NF1: variants seen among roughly 807,000 people sequenced by gnomAD.
The protein encoded by NF1 is neurofibromin.
NF1 carries 122 observed loss-of-function variants against 325.7 expected under a neutral mutation model. The observed-to-expected ratio is 0.37, with a 90% confidence interval of 0.32 to 0.44. The LOEUF (loss-of-function observed/expected upper bound fraction) is 0.44. Ranked by LOEUF, NF1 falls within the 20% of genes least tolerant of loss-of-function variation. NF1 has a pLI of 1.00. For synonymous variants in NF1, 1,091 were observed against 1,186.0 expected (o/e 0.92, Z 1.65); for missense variants, 2,140 against 3,415.4 (o/e 0.63, Z 9.31).
chr17:31,316,411 G>T (rs1267573770), intron 36 of NF1, among the ~76,000 whole-genome samples: 26 of 152,196 alleles, frequency 1.7e-4, no homozygotes, highest in Admixed American at 1.4e-3. Flanking sequence ...ATAGTGAGTG[G>T]TGAATTTTAA....
intron 36 of NF1, chr17:31,305,335 G>C (rs1181763291): frequency 6.2e-7 from 1 of 1,614,010 alleles, no homozygotes; most frequent in South Asian, 1.1e-5. Flanking sequence ...ATGTGCTTCT[G>C]GTTTTTCAGA....
At chr17:31,295,531 A>G (rs567550496) in intron 36 of NF1, 1 of 1,614,128 alleles carries the variant, frequency 6.2e-7, no homozygotes, top group Non-Finnish European at 8.5e-7. Context: ...AAGGTGTGGG[A>G]TACATGTTAT....
At chr17:31,139,590 A>G (rs1326175052) in intron 1 of NF1, among the ~76,000 whole-genome samples, 1 of 152,338 alleles carries the variant, frequency 6.6e-6, no homozygotes, top group East Asian at 1.9e-4. Flanking sequence ...TGCATGGGCT[A>G]GGGTAAGTTG....
chr17:31,229,022 T>G lies in NF1; in HGVS notation c.2410-3T>G, dbSNP rs1450743199. ...ATGCTTTGCACAAAAATTTTGTGTT[T>G]AGGCTGCTGAAAGCCTTCACAAGAC... On this transcript the variant is annotated splice_region_variant and splice_polypyrimidine_tract_variant and intron_variant, in intron 20 of 57. Coordinates refer to ENST00000358273, the MANE Select transcript of NF1 (RefSeq NM_001042492.3). 6.3e-7 allele frequency: 1 copy of G among 1,597,120 alleles called. No homozygotes were observed. Among genetic ancestry groups the G allele is most frequent in the Non-Finnish European group, 8.6e-7 (1 of 1,168,238 alleles).
chr17:31,108,676 T>TATTATTTTAAAGCA (rs1223795404), intron 1 of NF1, among the ~76,000 whole-genome samples: 1 of 152,216 alleles, frequency 6.6e-6, no homozygotes, highest in Non-Finnish European at 1.5e-5. Context: ...ACTACCTCTT[T>TATTATTTTAAAGCA]ATTATTTTAA....
rs2067199220 is a variant in NF1, at chr17:31,236,083, TACTA to T, written c.3974+65_3974+68del. Reference sequence around the variant, plus strand: ...TTTTTTTTTTTTTGTTTGTTTGTTTTACTAACACTGCATGAAGCAAGGCACCTTC... The same window carrying T: ...TTTTTTTTTTTTTGTTTGTTTGTTTTACACTGCATGAAGCAAGGCACCTTC... On this transcript the variant is annotated intron_variant, in intron 29 of 57. Transcript: ENST00000358273. 5.6e-6 allele frequency: 7 copies of T among 1,256,712 alleles called. No homozygotes were observed. In the Admixed American group the frequency reaches 8.6e-5, roughly 15 times the overall value. The allele number at this position is 1,256,712 out of a possible 1,614,324, so 77.8% of individuals were successfully genotyped here. A position where few individuals can be genotyped will look rare whatever the true frequency, so the allele number is the denominator to read the frequency against.
At chr17:31,133,234 A>G (rs11650379) in intron 1 of NF1, 1,723 of 152,308 alleles carry the variant, frequency 0.011, 23 homozygotes, top group Non-Finnish European at 0.016. Flanking sequence ...AAGTGGCGTC[A>G]TACAGTATTT....
intron 11 of NF1, among the ~76,000 whole-genome samples, chr17:31,204,984 A>C (rs903329321): frequency 1.3e-5 from 2 of 152,272 alleles, no homozygotes; most frequent in African/African-American, 4.8e-5. Context: ...ATAAAGTAGG[A>C]GTTGAGGGAA....
intron 36 of NF1, among the ~76,000 whole-genome samples, chr17:31,307,559 T>C (rs1275932571): frequency 1.3e-5 from 2 of 152,048 alleles, no homozygotes; most frequent in Non-Finnish European, 2.9e-5. Context: ...ACTTGGAGAG[T>C]TAAGTTTCAG....
chr17:31,233,626 T>C (rs1294184557), intron 27 of NF1, among the ~76,000 whole-genome samples: 1 of 152,228 alleles, frequency 6.6e-6, no homozygotes, highest in African/African-American at 2.4e-5. Context: ...AGCACTATAT[T>C]TGCATTTGAT....
chr17:31,349,335 T>C, intron 49 of NF1, 84 bp downstream of exon 49: 2 of 1,448,392 alleles, frequency 1.4e-6, no homozygotes, highest in Non-Finnish European at 1.9e-6. Flanking sequence ...TATAGGTTTT[T>C]TGGCGGTTGC....
At chr17:31,291,500 G>A (rs2068342442) in intron 36 of NF1, among the ~76,000 whole-genome samples, 1 of 152,076 alleles carries the variant, frequency 6.6e-6, no homozygotes, top group Non-Finnish European at 1.5e-5. Flanking sequence ...GCAATAGTGG[G>A]CATCCTTGTT....
rs2151544593 is a variant in NF1, at chr17:31,330,365, A to G, written c.5679A>G (p.Leu1893=). Residue 1893 remains leucine (L), a synonymous_variant, in exon 39 of 58, where the codon CTA becomes CTG. Transcript: ENST00000358273. ...TFNLKIEGQL[L]ETSGLCIPAN... Reference sequence around the variant, plus strand: ...ATTTAAAAATCGAGGGCCAGTTACTAGAGACATCAGGTTTATGTATCCCTG... The same window carrying G: ...ATTTAAAAATCGAGGGCCAGTTACTGGAGACATCAGGTTTATGTATCCCTG... 6 of 1,614,046 alleles carry G rather than the reference A, an allele frequency of 3.7e-6. No individual in the cohort carries two copies. Among genetic ancestry groups the G allele is most frequent in the Middle Eastern group, 1.7e-4 (1 of 6,060 alleles).
rs1258473568 is a variant in NF1 at position 31,318,607 on chromosome 17, A to T, written c.4836-7213A>T. ...CACTGCAATTATAATTAAGCAAATT[A>T]GCATAGCCATGTTGTTGTTGTTTTC... On this transcript the variant is annotated intron_variant, in intron 36 of 57. Transcript: ENST00000358273. 1.2e-6 allele frequency: 2 copies of T among 1,613,980 alleles called. No homozygotes were observed. Among genetic ancestry groups the T allele is most frequent in the Non-Finnish European group, 1.7e-6 (2 of 1,179,996 alleles).
Position 31,352,312 on chromosome 17 carries a change from G to A in NF1, c.7513G>A (p.Ala2505Thr), listed in dbSNP as rs786202955. The A allele has an allele frequency of 6.2e-7, 1 of 1,613,980 alleles. No homozygotes were observed. Residue 2505 changes from alanine to threonine, a missense_variant, in exon 51 of 58, where the codon GCA becomes ACA. Transcript: ENST00000358273. ...TCCCAAAGGTTCTGAAGGATACCTT[G>A]CAGCCACCTATCCAACTGTCGGCCA... The part of the protein sequence containing the change: ...SSPKGSEGYL[A>T]ATYPTVGQTS...
At position 31,219,415 on chromosome 17, in the gene NF1, C is replaced by T. The variant is rs17886102; in HGVS notation, c.1641+297C>T. On this transcript the variant is annotated intron_variant, in intron 14 of 57. Coordinates refer to ENST00000358273, the MANE Select transcript of NF1 (RefSeq NM_001042492.3). ...ATATTATTATTAAATATTAAAAATA[C>T]TAATTTTTAAATTGAGACATAATTC... 1,068 of 154,166 alleles carry T rather than the reference C, an allele frequency of 6.9e-3. 11 individuals are homozygous for T. The highest frequency in any genetic ancestry group is 0.023 in the Middle Eastern group (7 of 304). The allele number at this position is 154,166 out of a possible 1,614,324, so 9.5% of individuals were successfully genotyped here. A position where few individuals can be genotyped will look rare whatever the true frequency, so the allele number is the denominator to read the frequency against.
chr17:31,340,273 A>C (rs1385648679), intron 46 of NF1: 1 of 552,894 alleles, frequency 1.8e-6, no homozygotes, highest in Admixed American at 3.2e-5. Context: ...TTAGAAATCA[A>C]AGAACAGGGA....
At chr17:31,203,142 G>A (rs984316193) in intron 11 of NF1, among the ~76,000 whole-genome samples, 1 of 152,166 alleles carries the variant, frequency 6.6e-6, no homozygotes, top group African/African-American at 2.4e-5. Flanking sequence ...GTAAGTGGCT[G>A]AGCTGCTCCT....
chr17:31,216,756 T>G (rs547499655), intron 13 of NF1, among the ~76,000 whole-genome samples: 9 of 152,184 alleles, frequency 5.9e-5, no homozygotes, highest in Non-Finnish European at 1.0e-4. Flanking sequence ...CCATCTACCA[T>G]TTCTTCCACA....
Sources: allele counts gnomAD v4.1 joint callset (sites outside exome capture counted in the v4.1 genomes callset), GRCh38; gene constraint gnomAD v4.1.1; transcripts MANE v1.5; gene names NCBI Gene and HGNC (gene_info 2026-07-23, HGNC 2026-07-21).